Variants in DCC observed in about 807,000 individuals in gnomAD.
DCC encodes the protein DCC netrin 1 receptor.
In DCC, 58 loss-of-function variants were observed where a neutral mutation model predicts 172.5. That is an observed-to-expected ratio of 0.34 (90% CI 0.27 to 0.42). DCC has a LOEUF of 0.42. Ranked by LOEUF, DCC falls within the 10% of genes least tolerant of loss-of-function variation. The pLI is 1.00. For synonymous variants in DCC, 709 were observed against 644.5 expected (o/e 1.10, Z -1.52); for missense variants, 1,740 against 1,791.0 (o/e 0.97, Z 0.51).
chr18:52,475,515 A>G (rs756569884), intron 1 of DCC, among the ~76,000 whole-genome samples: 7 of 152,038 alleles, frequency 4.6e-5, no homozygotes, highest in African/African-American at 7.2e-5. Flanking sequence ...GTATTAGTCA[A>G]GTGTCTTTTT....
chr18:52,610,382 C>CAAA (rs55715009), intron 1 of DCC, among the ~76,000 whole-genome samples: 2,649 of 49,986 alleles, frequency 0.053, 264 homozygotes, highest in East Asian at 0.13. Flanking sequence ...TCTGTCTCAA[C>CAAA]AAAAAAAAAA....
chr18:52,673,789 T>G (rs1224456565), intron 1 of DCC, among the ~76,000 whole-genome samples: 1 of 152,210 alleles, frequency 6.6e-6, no homozygotes, highest in Non-Finnish European at 1.5e-5. Context: ...AATATTGTCC[T>G]CTTGAAAGTA....
At chr18:52,783,188 A>G (rs544491869) in intron 2 of DCC, among the ~76,000 whole-genome samples, 101 of 152,184 alleles carry the variant, frequency 6.6e-4, no homozygotes, top group African/African-American at 2.3e-3. Flanking sequence ...TAAGCTGTCA[A>G]TTAGAATGAG....
intron 9 of DCC, among the ~76,000 whole-genome samples, chr18:53,183,328 T>C (rs951823769): frequency 5.3e-5 from 8 of 152,154 alleles, no homozygotes; most frequent in African/African-American, 1.9e-4. Flanking sequence ...GTTTGTGTCC[T>C]CTGATGGTAT....
chr18:53,133,084 T>C (rs1003207950), intron 7 of DCC, among the ~76,000 whole-genome samples: 2 of 152,220 alleles, frequency 1.3e-5, no homozygotes. Flanking sequence ...CATCTAAATT[T>C]CTACATACTC....
At chr18:52,873,975 A>G (rs935434368) in intron 2 of DCC, among the ~76,000 whole-genome samples, 1 of 152,082 alleles carries the variant, frequency 6.6e-6, no homozygotes, top group Non-Finnish European at 1.5e-5. Context: ...TTTGTTCTCA[A>G]CTCTCTTACC....
chr18:52,744,943 A>C (rs1187240229), intron 1 of DCC, among the ~76,000 whole-genome samples: 1 of 152,218 alleles, frequency 6.6e-6, no homozygotes, highest in Non-Finnish European at 1.5e-5. Flanking sequence ...ACTGTTTAGA[A>C]GAAATCCTCT....
intron 2 of DCC, among the ~76,000 whole-genome samples, chr18:52,784,255 C>CTTTCT (rs368408546): frequency 0.053 from 8,036 of 152,068 alleles, 289 homozygotes; most frequent in South Asian, 0.16. Flanking sequence ...AACAGAATTT[C>CTTTCT]TTTTTTATAG....
At chr18:52,788,034 T>A (rs1186574844) in intron 2 of DCC, among the ~76,000 whole-genome samples, 2 of 152,194 alleles carry the variant, frequency 1.3e-5, no homozygotes, top group Non-Finnish European at 2.9e-5. Flanking sequence ...TAAGACAGTC[T>A]TGCTGTGCTT....
chr18:53,395,313 T>C (rs1000857914), intron 17 of DCC, among the ~76,000 whole-genome samples: 1 of 152,226 alleles, frequency 6.6e-6, no homozygotes, highest in African/African-American at 2.4e-5. Flanking sequence ...ATGGTATTTA[T>C]AGAATGCAAA....
intron 5 of DCC, among the ~76,000 whole-genome samples, chr18:53,056,088 A>G (rs2042399951): frequency 2.0e-5 from 3 of 152,258 alleles, no homozygotes; most frequent in Middle Eastern, 6.8e-3. Context: ...ACACTGCTAT[A>G]AAGGTACTAC....
intron 26 of DCC, among the ~76,000 whole-genome samples, chr18:53,495,549 AT>A (rs1469583980): frequency 1.3e-5 from 2 of 151,840 alleles, no homozygotes; most frequent in Non-Finnish European, 2.9e-5. Flanking sequence ...TGCCCTTAAC[AT>A]TTTTTCCTTC....
chr18:52,977,321 T>C (rs1278445026), intron 5 of DCC, among the ~76,000 whole-genome samples: 1 of 152,128 alleles, frequency 6.6e-6, no homozygotes, highest in Non-Finnish European at 1.5e-5. Context: ...TCTAAAAATA[T>C]ACCCTACCTG....
chr18:53,071,916 G>T (rs1006573536), intron 7 of DCC, among the ~76,000 whole-genome samples: 4 of 152,112 alleles, frequency 2.6e-5, no homozygotes, highest in Non-Finnish European at 5.9e-5. Flanking sequence ...ATCACCTGAG[G>T]TCAGGAGTTT....
chr18:52,966,954 C>T (rs1173597778), intron 5 of DCC, among the ~76,000 whole-genome samples: 3 of 152,184 alleles, frequency 2.0e-5, no homozygotes, highest in South Asian at 2.1e-4. Flanking sequence ...GCGATTTGAA[C>T]GTCTTTGGAG....
chr18:53,149,086 C>G (rs1457396947), intron 7 of DCC, among the ~76,000 whole-genome samples: 1 of 151,904 alleles, frequency 6.6e-6, no homozygotes. Context: ...TAGTCTTGAA[C>G]TCCTGACCTC....
chr18:53,264,355 C>A (rs1300113265), intron 12 of DCC, among the ~76,000 whole-genome samples: 3 of 151,482 alleles, frequency 2.0e-5, no homozygotes, highest in African/African-American at 7.3e-5. Flanking sequence ...GACGTGGTGG[C>A]GGCTGCGTGT....
Position 52,490,154 on chromosome 18 carries a change from A to G in DCC, c.91+149276A>G, listed in dbSNP as rs187733179. Among the ~76,000 whole-genome samples, 331 of 152,256 alleles carry G rather than the reference A, an allele frequency of 2.2e-3. 1 individual carries two copies. Among genetic ancestry groups the G allele is most frequent in the African/African-American group, 7.7e-3 (320 of 41,582 alleles). On this transcript the variant is annotated intron_variant, in intron 1 of 28. Coordinates refer to ENST00000442544, the MANE Select transcript of DCC (RefSeq NM_005215.4). ...GCAATTTTGCCCCACTAGAGGCTAA[A>G]AGCAGCACAAGATGTGGTAATTAAG...
intron 3 of DCC, among the ~76,000 whole-genome samples, chr18:52,915,808 TGA>T (rs2040031230): frequency 6.6e-6 from 1 of 152,072 alleles, no homozygotes; most frequent in African/African-American, 2.4e-5. Flanking sequence ...AATTTCTATT[TGA>T]GAGATACAAA....
Sources: allele counts gnomAD v4.1 joint callset (sites outside exome capture counted in the v4.1 genomes callset), GRCh38; gene constraint gnomAD v4.1.1; transcripts MANE v1.5; gene names NCBI Gene and HGNC (gene_info 2026-07-23, HGNC 2026-07-21).